The following ITGB5 variants were observed in gnomAD, a reference collection of about 807,000 sequenced individuals.
ITGB5 encodes integrin beta-5.
ITGB5 carries 38 observed loss-of-function variants against 84.8 expected under a neutral mutation model. The ratio of observed to expected loss-of-function variants is 0.45; its 90% CI spans 0.35 to 0.59. The LOEUF (loss-of-function observed/expected upper bound fraction) is 0.59, where lower values mean the gene tolerates loss of function less well. Ranked by LOEUF, ITGB5 falls within the 20% of genes least tolerant of loss-of-function variation. The pLI is 0.01. For synonymous variants in ITGB5, 393 were observed against 414.4 expected (o/e 0.95, Z 0.63); for missense variants, 905 against 1,034.5 (o/e 0.87, Z 1.72).
intron 2 of ITGB5, among the ~76,000 whole-genome samples, chr3:124,864,435 T>G (rs2065355623): frequency 6.6e-6 from 1 of 152,132 alleles, no homozygotes; most frequent in South Asian, 2.1e-4. Flanking sequence ...AAGCTCCATA[T>G]TCAATGAATA....
chr3:124,830,988 GAAC>G (rs367649477), intron 5 of ITGB5, among the ~76,000 whole-genome samples: 4,483 of 151,878 alleles, frequency 0.03, 98 homozygotes, highest in South Asian at 0.045. Flanking sequence ...CATCTCAAAC[GAAC>G]AACAACAACA....
At chr3:124,796,320 CT>C in intron 10 of ITGB5, 67 bp downstream of exon 10, 1 of 1,407,914 alleles carries the variant, frequency 7.1e-7, no homozygotes, top group Non-Finnish European at 9.8e-7. Flanking sequence ...AAAAGGCAGG[CT>C]TTGGGAGGGT....
intron 2 of ITGB5, 66 bp downstream of exon 2, chr3:124,873,380 G>A: frequency 9.4e-7 from 1 of 1,059,212 alleles, no homozygotes. Flanking sequence ...TGTGGTGTTG[G>A]CCTCCTTCTC....
chr3:124,848,929 A>C (rs1421072303), intron 3 of ITGB5, among the ~76,000 whole-genome samples: 1 of 151,942 alleles, frequency 6.6e-6, no homozygotes, highest in Non-Finnish European at 1.5e-5. Context: ...ACAGGTGCCC[A>C]CCACCATGCC....
intron 11 of ITGB5, chr3:124,769,760 C>T (rs1286249232): frequency 6.6e-6 from 1 of 152,316 alleles, no homozygotes; most frequent in Non-Finnish European, 1.5e-5. Flanking sequence ...GCCAGGTCCC[C>T]CGTGGCCTGC....
rs746565611 is a variant in ITGB5, at chr3:124,796,740, C to T, written c.1341G>A (p.Val447=). The part of the protein sequence containing the change: ...HTEHVFALRP[V]GFRDSLEVGV... The stretch of plus-strand genomic sequence containing the variant: ...CCACCTCCAGGCTGTCCCGGAATCC[C>T]ACCGGCCGCAGGGCAAACACATGCT... Residue 447 remains valine, a synonymous_variant, in exon 10 of 15, where the codon GTG becomes GTA. Coordinates refer to ENST00000296181, the MANE Select transcript of ITGB5 (RefSeq NM_002213.5). 2 of 1,614,140 alleles carry T rather than the reference C, an allele frequency of 1.2e-6. No homozygotes were observed. Among genetic ancestry groups the T allele is most frequent in the Non-Finnish European group, 1.7e-6 (2 of 1,180,042 alleles).
intron 2 of ITGB5, among the ~76,000 whole-genome samples, chr3:124,860,610 C>T (rs890863561): frequency 2.0e-5 from 3 of 152,176 alleles, no homozygotes; most frequent in South Asian, 2.1e-4. Context: ...TGGTCATTTC[C>T]GGCAAAGGGG....
intron 1 of ITGB5, among the ~76,000 whole-genome samples, chr3:124,877,815 A>G (rs911604335): frequency 9.2e-5 from 14 of 151,878 alleles, no homozygotes; most frequent in African/African-American, 3.1e-4. Context: ...ATTTGAGGTC[A>G]AAGGCCTCAC....
At chr3:124,794,999 A>G (rs1358030354) in intron 10 of ITGB5, among the ~76,000 whole-genome samples, 2 of 152,184 alleles carry the variant, frequency 1.3e-5, no homozygotes, top group Admixed American at 1.3e-4. Context: ...AACGCACTTG[A>G]TTATGTGAAG....
chr3:124,806,534 T>C (rs949392801), intron 9 of ITGB5, among the ~76,000 whole-genome samples: 1 of 146,882 alleles, frequency 6.8e-6, no homozygotes, highest in African/African-American at 2.5e-5. Context: ...CCCGGGTTCA[T>C]GCCATTCTCC....
intron 4 of ITGB5, among the ~76,000 whole-genome samples, chr3:124,844,955 C>T (rs1191779401): frequency 1.3e-5 from 2 of 152,178 alleles, no homozygotes. Context: ...TGGAGATTCT[C>T]GACAACGGCA....
At chr3:124,862,319 A>G (rs2065315884) in intron 2 of ITGB5, 1 of 152,194 alleles carries the variant, frequency 6.6e-6, no homozygotes, top group African/African-American at 2.4e-5. Context: ...GGTCTGGACC[A>G]GCTTACACTC....
At chr3:124,847,426 T>C (rs558785470) in intron 4 of ITGB5, among the ~76,000 whole-genome samples, 3 of 152,344 alleles carry the variant, frequency 2.0e-5, no homozygotes, top group South Asian at 2.1e-4. Context: ...AAACGTCCCA[T>C]GGCAGAGACC....
chr3:124,866,626 A>T lies in ITGB5; in HGVS notation c.156+6820T>A, dbSNP rs117250942. ...GAGGGAAGAAAACAAACTGGGAAAA[A>T]GGCAGAGAGCCCAGGGGAGAAGTGG... On this transcript the variant is annotated intron_variant, in intron 2 of 14. Transcript: ENST00000296181. 2.4e-3 allele frequency among the ~76,000 whole-genome samples: 372 copies of T among 152,328 alleles called. 6 individuals carry two copies. Among genetic ancestry groups the T allele is most frequent in the East Asian group, 0.019 (98 of 5,174 alleles).
intron 1 of ITGB5, among the ~76,000 whole-genome samples, chr3:124,873,979 A>G (rs1042248903): frequency 6.6e-6 from 1 of 152,106 alleles, no homozygotes; most frequent in South Asian, 2.1e-4. Flanking sequence ...CAGTGTACTG[A>G]AAGAAGCCAT....
chr3:124,890,924 ACTT>A (rs1934987135), upstream of ITGB5, among the ~76,000 whole-genome samples: 1 of 151,570 alleles, frequency 6.6e-6, no homozygotes, highest in African/African-American at 2.4e-5. Flanking sequence ...AAATGCTTTG[ACTT>A]TCATCTACTC....
Position 124,887,174 on chromosome 3 carries a change from C to T in ITGB5, c.-174G>A, listed in dbSNP as rs1482874587. On this transcript the variant is annotated 5_prime_UTR_variant, in exon 1 of 15. Transcript: ENST00000296181. ...CGCGCCCCGCCGCCACCATCCGTCC[C>T]GCAGCACTCACGGCCGAGTCCCGGG... The T allele has an allele frequency of 1.3e-5, 2 of 154,474 alleles. No individual in the cohort carries two copies. The highest frequency in any genetic ancestry group is 4.8e-5 in the African/African-American group (2 of 41,336). The allele number at this position is 154,474 out of a possible 1,614,324, so 9.6% of individuals were successfully genotyped here.
At chr3:124,801,929 G>C (rs1345407142) in intron 9 of ITGB5, among the ~76,000 whole-genome samples, 1 of 152,212 alleles carries the variant, frequency 6.6e-6, no homozygotes, top group Non-Finnish European at 1.5e-5. Flanking sequence ...TCACACCCTA[G>C]CAGACACATC....
chr3:124,859,728 C>T (rs1390402287), intron 2 of ITGB5, among the ~76,000 whole-genome samples: 1 of 152,106 alleles, frequency 6.6e-6, no homozygotes. Flanking sequence ...TCCTAACTGC[C>T]TACATGATTA....
Sources: allele counts gnomAD v4.1 joint callset (sites outside exome capture counted in the v4.1 genomes callset), GRCh38; gene constraint gnomAD v4.1.1; transcripts MANE v1.5; gene names NCBI Gene and HGNC (gene_info 2026-07-23, HGNC 2026-07-21).